UNKL: variants seen among roughly 807,000 people sequenced by gnomAD.
UNKL encodes unk like zinc finger.
A neutral mutation model predicts 78.0 loss-of-function variants in UNKL; 60 were observed. That is an observed-to-expected ratio of 0.77 (90% CI 0.63 to 0.95). UNKL has a LOEUF of 0.95. UNKL is among the 40% of genes least tolerant of loss of function. The pLI, the probability that UNKL is intolerant of heterozygous loss-of-function variation, is 0.00. For synonymous variants in UNKL, 608 were observed against 474.8 expected (o/e 1.28, Z -3.65); for missense variants, 1,159 against 1,045.7 (o/e 1.11, Z -1.49).
intron 10 of UNKL, among the ~76,000 whole-genome samples, chr16:1,381,018 G>A (rs1468791984): frequency 1.3e-5 from 2 of 152,112 alleles, no homozygotes; most frequent in South Asian, 2.1e-4. Flanking sequence ...TCAAGATCGC[G>A]AGTGACATAC....
At position 1,366,184 on chromosome 16, in the gene UNKL, T is replaced by C; in HGVS notation, c.*56A>G. 7.0e-7 allele frequency: 1 copy of C among 1,432,296 alleles called. No homozygotes were observed. Among genetic ancestry groups the C allele is most frequent in the South Asian group, 1.5e-5 (1 of 68,132 alleles). 88.7% of individuals were successfully genotyped at this position (1,432,296 alleles called of 1,614,324 possible). ...GAAGCGAGTGACGACATGTCCGTGGTCAGGAGGAGCGCTGGAGCCAGGGTG... is the reference window on the plus strand; with the variant it reads ...GAAGCGAGTGACGACATGTCCGTGGCCAGGAGGAGCGCTGGAGCCAGGGTG... On this transcript the variant is annotated 3_prime_UTR_variant, in exon 15 of 15. Transcript: ENST00000389221.
intron 2 of UNKL, chr16:1,405,857 G>A (rs2037734287): frequency 4.5e-6 from 2 of 443,298 alleles, no homozygotes; most frequent in Non-Finnish European, 9.2e-6. Context: ...ATAGGAGGCA[G>A]CCAGATCCTG....
intron 6 of UNKL, chr16:1,394,509 A>G (rs1300224154): frequency 1.7e-6 from 1 of 590,862 alleles, no homozygotes; most frequent in South Asian, 1.5e-5. Flanking sequence ...AAGATGCACC[A>G]AATTCAGAGT....
At chr16:1,412,433 A>G (rs1370027357) in intron 2 of UNKL, among the ~76,000 whole-genome samples, 1 of 152,072 alleles carries the variant, frequency 6.6e-6, no homozygotes, top group African/African-American at 2.4e-5. Context: ...CAACATGGCG[A>G]AACCTCAACT....
Position 1,394,186 on chromosome 16 carries a change from C to T in UNKL, c.882G>A (p.Met294Ile). 6.4e-7 allele frequency: 1 copy of T among 1,550,702 alleles called. No individual in the cohort carries two copies. The highest frequency in any genetic ancestry group is 8.7e-7 in the Non-Finnish European group (1 of 1,147,022). Residue 294 changes from methionine to isoleucine, a missense_variant, in exon 7 of 15, where the codon ATG (methionine) becomes ATA (isoleucine). Met to Ile is a conservative substitution (Grantham distance 10, BLOSUM62 1). Transcript: ENST00000389221. ...CGCGCGGGCAGTACCCGGTTTGGCG[C>T]ATGTCGTTGCATTTTGTAGATTTGT... is the stretch of plus-strand genomic sequence containing the variant. ...EIYKSTKCND[M>I]RQTGYCPRGP...
chr16:1,414,560 G>A, intron 1 of UNKL, 55 bp downstream of exon 1: 1 of 817,534 alleles, frequency 1.2e-6, no homozygotes, highest in Non-Finnish European at 1.5e-6. Flanking sequence ...CCCGGCGGGA[G>A]GCTCCGAGCT....
At chr16:1,374,757 G>A (rs1482764233) in intron 10 of UNKL, among the ~76,000 whole-genome samples, 1 of 152,184 alleles carries the variant, frequency 6.6e-6, no homozygotes, top group Non-Finnish European at 1.5e-5. Context: ...GGTGACAGCA[G>A]GTTCACCACA....
In UNKL at chr16:1,414,519, GGGGCGC is replaced by G. The variant is rs1009768203; in HGVS notation, c.77+90_77+95del. ...AGCCCAGGCGCTGCGCGGAGGCCGGGGGGCGCGGGGGCGGCGGAGGCGGCGCGAGCC... is the reference window on the plus strand; with the variant it reads ...AGCCCAGGCGCTGCGCGGAGGCCGGGGGGGGCGGCGGAGGCGGCGCGAGCC... On this transcript the variant is annotated intron_variant, in intron 1 of 14. Transcript: ENST00000389221. The G allele has an allele frequency of 6.1e-4, 170 of 279,514 alleles. 3 individuals carry two copies. Among genetic ancestry groups the G allele is most frequent in the Non-Finnish European group, 6.0e-5 (11 of 182,970 alleles). The allele number at this position is 279,514 out of a possible 1,614,324, so 17.3% of individuals were successfully genotyped here.
rs996954867 is a variant in UNKL, at chr16:1,379,471, T to A, written c.1264+5737A>T. On this transcript the variant is annotated intron_variant, in intron 10 of 14. Coordinates refer to ENST00000389221, the MANE Select transcript of UNKL (RefSeq NM_001372107.1). ...CGACGCCTTCGCCTCGCTCCGGGCCTCTGAGAAGCCCGGGCCCACCCCGCG... is the reference window on the plus strand; with the variant it reads ...CGACGCCTTCGCCTCGCTCCGGGCCACTGAGAAGCCCGGGCCCACCCCGCG... The A allele has an allele frequency of 2.0e-5, 20 of 984,766 alleles. No individual in the cohort carries two copies. In the Admixed American group the frequency reaches 1.2e-3, roughly 61 times the overall value. The allele number at this position is 984,766 out of a possible 1,614,324, so 61.0% of individuals were successfully genotyped here. A position where few individuals can be genotyped will look rare whatever the true frequency, so the allele number is the denominator to read the frequency against.
intron 2 of UNKL, among the ~76,000 whole-genome samples, chr16:1,411,548 C>T (rs762487156): frequency 3.3e-5 from 5 of 151,418 alleles, no homozygotes; most frequent in Admixed American, 6.6e-5. Context: ...CAAAAACAGC[C>T]GGGCGCGGTG....
chr16:1,377,754 C>G (rs1405375602), intron 10 of UNKL, among the ~76,000 whole-genome samples: 1 of 152,188 alleles, frequency 6.6e-6, no homozygotes, highest in Non-Finnish European at 1.5e-5. Flanking sequence ...TTCCTCCTCC[C>G]TGGCAAAGGA....
At chr16:1,372,935 G>A (rs371682540) in intron 10 of UNKL, among the ~76,000 whole-genome samples, 286 of 34,176 alleles carry the variant, frequency 8.4e-3, no homozygotes, top group Non-Finnish European at 0.012. Flanking sequence ...AGCAGCGTGG[G>A]GCACACCACA....
chr16:1,379,813 T>C, intron 10 of UNKL: 1 of 627,626 alleles, frequency 1.6e-6, no homozygotes, highest in Non-Finnish European at 2.0e-6. Context: ...GCGCACCCGG[T>C]CCCCGCGGCT....
intron 14 of UNKL, 56 bp from the exon 15 acceptor site, chr16:1,366,451 T>TGGGGAGCC: frequency 6.7e-7 from 1 of 1,492,068 alleles, no homozygotes; most frequent in African/African-American, 1.4e-5. Context: ...CTGGGCCAGC[T>TGGGGAGCC]GGGGAGCCGG....
intron 11 of UNKL, 73 bp downstream of exon 11, chr16:1,371,446 G>T (rs2035830536): frequency 6.8e-7 from 1 of 1,465,370 alleles, no homozygotes; most frequent in African/African-American, 1.4e-5. Context: ...CCGGGCTCAA[G>T]CGATCCTCCG....
At chr16:1,389,636 C>A (rs2142116625) in intron 9 of UNKL, among the ~76,000 whole-genome samples, 1 of 152,212 alleles carries the variant, frequency 6.6e-6, no homozygotes, top group South Asian at 2.1e-4. Context: ...GGGGGCAGGG[C>A]CCTACGCAGC....
Position 1,365,347 on chromosome 16 carries a change from GTTTT to G in UNKL, c.*889_*892del, listed in dbSNP as rs1408411443. The G allele has an allele frequency of 3.9e-5, 6 of 152,164 alleles. No individual in the cohort carries two copies. Among genetic ancestry groups the G allele is most frequent in the African/African-American group, 7.2e-5 (3 of 41,428 alleles). 9.4% of individuals were successfully genotyped at this position (152,164 alleles called of 1,614,324 possible). On this transcript the variant is annotated 3_prime_UTR_variant, in exon 15 of 15. Coordinates refer to ENST00000389221, the MANE Select transcript of UNKL (RefSeq NM_001372107.1). ...TCTGACGTCGGATCCCCTCTGCTGC[GTTTT>G]TTGTTAGTATCAAACTGTCTTTCAG...
At chr16:1,391,262 ACACAC>A (rs1567223773) in intron 8 of UNKL, among the ~76,000 whole-genome samples, 4 of 3,470 alleles carry the variant, frequency 1.2e-3, no homozygotes, top group African/African-American at 3.2e-3. Flanking sequence ...ACACACACAC[ACACAC>A]ACACACACAC....
Position 1,374,758 on chromosome 16 carries a change from G to C in UNKL, c.1265-3147C>G, listed in dbSNP as rs144494890. ...GGTGGCCATGTCAGGGTGACAGCAG[G>C]TTCACCACACAGGGGGCATCCCAAA... On this transcript the variant is annotated intron_variant, in intron 10 of 14. Transcript: ENST00000389221. Among the ~76,000 whole-genome samples the C allele has an allele frequency of 3.0e-3, 456 of 152,302 alleles. 2 individuals carry two copies. Among genetic ancestry groups the C allele is most frequent in the Non-Finnish European group, 4.6e-3 (314 of 68,016 alleles).
Sources: allele counts gnomAD v4.1 joint callset (sites outside exome capture counted in the v4.1 genomes callset), GRCh38; gene constraint gnomAD v4.1.1; transcripts MANE v1.5; gene names NCBI Gene and HGNC (gene_info 2026-07-23, HGNC 2026-07-21).